Variants in CNR2 observed in about 807,000 individuals in gnomAD.
The protein encoded by CNR2 is cannabinoid receptor 2.
For missense variants in CNR2, 379 were observed against 439.9 expected, an observed-to-expected ratio of 0.86 and a Z score of 1.24; for synonymous variants, 172 against 182.2, an observed-to-expected ratio of 0.94 and a Z score of 0.45.
intron 1 of CNR2, among the ~76,000 whole-genome samples, chr1:23,912,594 T>G (rs944699146): frequency 6.6e-6 from 1 of 152,234 alleles, no homozygotes; most frequent in African/African-American, 2.4e-5. Context: ...TAGCTCCTAC[T>G]GCATACGGCT....
At chr1:23,905,797 C>G (rs1360505153) in intron 1 of CNR2, among the ~76,000 whole-genome samples, 1 of 152,148 alleles carries the variant, frequency 6.6e-6, no homozygotes, top group Non-Finnish European at 1.5e-5. Context: ...TTCTACCTCT[C>G]TCTAATAGAA....
At chr1:23,901,765 C>T in intron 1 of CNR2, 1 of 1,475,246 alleles carries the variant, frequency 6.8e-7, no homozygotes, top group East Asian at 2.3e-5. Context: ...TGAGCTCAAT[C>T]TTCACGCTGT....
At chr1:23,882,186 G>A (rs1038342446) in intron 1 of CNR2, among the ~76,000 whole-genome samples, 1 of 152,046 alleles carries the variant, frequency 6.6e-6, no homozygotes, top group South Asian at 2.1e-4. Context: ...GCCTTCCAAA[G>A]TGCTGGGATT....
At chr1:23,912,797 T>C (rs1222353601) in intron 1 of CNR2, among the ~76,000 whole-genome samples, 3 of 152,176 alleles carry the variant, frequency 2.0e-5, no homozygotes, top group African/African-American at 7.2e-5. Flanking sequence ...CCAGGTGTCC[T>C]GAAATGACAT....
Position 23,881,734 on chromosome 1 carries a change from C to T in CNR2, c.-45-6072G>A, listed in dbSNP as rs546989846. 1.2e-3 allele frequency among the ~76,000 whole-genome samples: 175 copies of T among 149,528 alleles called. 1 individual carries two copies. Among genetic ancestry groups the T allele is most frequent in the African/African-American group, 3.9e-3 (158 of 40,794 alleles). On this transcript the variant is annotated intron_variant, in intron 1 of 1. Transcript: ENST00000374472. ...AGAAACCTCGTCTCTACTAAAAATA[C>T]AAAAAATTAGCTGGGCATGGTGGTG...
At chr1:23,879,734 C>T (rs1639946166) in intron 1 of CNR2, among the ~76,000 whole-genome samples, 1 of 151,812 alleles carries the variant, frequency 6.6e-6, no homozygotes. Context: ...TAATTTTAGG[C>T]TTAAAAAAAA....
rs1372725906 is a variant in CNR2 at position 23,875,504 on chromosome 1, C to G, written c.114G>C (p.Val38=). The G allele has an allele frequency of 3.1e-6, 5 of 1,614,032 alleles. No homozygotes were observed. In the South Asian group the frequency reaches 5.5e-5, roughly 18 times the overall value. Residue 38 remains valine, a synonymous_variant, in exon 2 of 2, where the codon GTG becomes GTC. Transcript: ENST00000374472. ...LSGPQKTAVA[V]LCTLLGLLSA... Reference sequence around the variant, plus strand: ...TTAGCAGGCCCAGAAGAGTGCACAACACAGCAACAGCTGTCTTCTGGGGAC... The same window carrying G: ...TTAGCAGGCCCAGAAGAGTGCACAAGACAGCAACAGCTGTCTTCTGGGGAC...
chr1:23,896,729 T>C (rs747991444), intron 1 of CNR2, among the ~76,000 whole-genome samples: 33 of 152,100 alleles, frequency 2.2e-4, no homozygotes, highest in Admixed American at 5.9e-4. Flanking sequence ...GCTGAGATTG[T>C]GCCAGGGAGC....
chr1:23,882,004 C>T (rs1368092014), intron 1 of CNR2, among the ~76,000 whole-genome samples: 5 of 151,196 alleles, frequency 3.3e-5, no homozygotes, highest in Non-Finnish European at 7.4e-5. Context: ...TCACTGCAAC[C>T]TCCACCTCCC....
chr1:23,891,005 A>G (rs1640181148), intron 1 of CNR2, among the ~76,000 whole-genome samples: 2 of 151,376 alleles, frequency 1.3e-5, no homozygotes, highest in African/African-American at 4.8e-5. Context: ...CAGCCACCCA[A>G]GTAGCTGGGA....
intron 1 of CNR2, chr1:23,901,425 T>A: frequency 6.7e-7 from 1 of 1,485,008 alleles, no homozygotes; most frequent in Non-Finnish European, 9.1e-7. Flanking sequence ...GTGTCCTGAT[T>A]TCCCCTCCAT....
At chr1:23,896,356 A>T (rs1463815548) in intron 1 of CNR2, among the ~76,000 whole-genome samples, 1 of 152,230 alleles carries the variant, frequency 6.6e-6, no homozygotes, top group African/African-American at 2.4e-5. Flanking sequence ...TCTTTCATTC[A>T]GTTCCCTCAT....
At chr1:23,899,460 C>G (rs1275759940) in intron 1 of CNR2, among the ~76,000 whole-genome samples, 2 of 152,038 alleles carry the variant, frequency 1.3e-5, no homozygotes, top group African/African-American at 4.8e-5. Flanking sequence ...CCAAAGTACA[C>G]CTCCTTCTTG....
intron 1 of CNR2, among the ~76,000 whole-genome samples, chr1:23,903,570 GC>G (rs1388920837): frequency 2.6e-4 from 23 of 88,626 alleles, no homozygotes; most frequent in African/African-American, 8.8e-4. Context: ...GAGACCCCAG[GC>G]TTTGTCAAAA....
intron 1 of CNR2, among the ~76,000 whole-genome samples, chr1:23,893,636 T>C (rs1178036429): frequency 6.6e-6 from 1 of 152,238 alleles, no homozygotes; most frequent in Non-Finnish European, 1.5e-5. Flanking sequence ...CAGCTGGATC[T>C]ATCCAGAAGC....
At position 23,875,527 on chromosome 1, in the gene CNR2, G is replaced by C. The variant is rs1239252701; in HGVS notation, c.91C>G (p.Pro31Ala). 2 of 1,614,052 alleles carry C rather than the reference G, an allele frequency of 1.2e-6. No homozygotes were observed. The highest frequency in any genetic ancestry group is 1.7e-6 in the Non-Finnish European group (2 of 1,180,014). The change falls in exon 2 of 2, where the codon CCC (proline) becomes GCC (alanine). Residue 31 changes from proline (P) to alanine (A), a missense_variant. Physicochemically the swap from Pro to Ala is conservative, Grantham distance 27. Transcript: ENST00000374472. ...PMKDYMILSG[P>A]QKTAVAVLCT... ...AACACAGCAACAGCTGTCTTCTGGG[G>C]ACCACTCAGGATCATGTAATCCTTC...
At position 23,875,555 on chromosome 1, in the gene CNR2, A is replaced by G; in HGVS notation, c.63T>C (p.Pro21=). The G allele has an allele frequency of 1.9e-6, 3 of 1,613,714 alleles. No homozygotes were observed. Among genetic ancestry groups the G allele is most frequent in the Non-Finnish European group, 1.7e-6 (2 of 1,179,756 alleles). ...NGSKDGLDSN[P]MKDYMILSGP... The stretch of plus-strand genomic sequence containing the variant: ...CACTCAGGATCATGTAATCCTTCAT[A>G]GGGTTGGAATCCAAGCCATCCTTGG... Residue 21 remains proline, a synonymous_variant, in exon 2 of 2, where the codon CCT becomes CCC. Transcript: ENST00000374472.
At position 23,874,293 on chromosome 1, in the gene CNR2, G is replaced by T; in HGVS notation, c.*242C>A. 2.1e-6 allele frequency: 1 copy of T among 484,372 alleles called. No individual in the cohort carries two copies. The highest frequency in any genetic ancestry group is 3.8e-6 in the Non-Finnish European group (1 of 266,388). 30.0% of individuals were successfully genotyped at this position (484,372 alleles called of 1,614,324 possible). A position where few individuals can be genotyped will look rare whatever the true frequency, so the allele number is the denominator to read the frequency against. On this transcript the variant is annotated 3_prime_UTR_variant, in exon 2 of 2. Transcript: ENST00000374472. The stretch of plus-strand genomic sequence containing the variant: ...CTGACTTGTACTGACCCTGTCCCAG[G>T]CCTTTTGTGTCTCGCCTACCTGGCT...
chr1:23,892,744 T>C (rs6424127), intron 1 of CNR2, among the ~76,000 whole-genome samples: 124,202 of 151,970 alleles, frequency 0.82, 50,844 homozygotes, highest in Admixed American at 0.84. Context: ...AGGCTGGGGG[T>C]GGTGGCTCAT....
Sources: allele counts gnomAD v4.1 joint callset (sites outside exome capture counted in the v4.1 genomes callset), GRCh38; gene constraint gnomAD v4.1.1; transcripts MANE v1.5; gene names NCBI Gene and HGNC (gene_info 2026-07-23, HGNC 2026-07-21).